Variants in AAMDC observed in about 807,000 individuals in gnomAD.
AAMDC encodes mth938 domain-containing protein.
In AAMDC, 16 loss-of-function variants were observed where a neutral mutation model predicts 15.5. The observed-to-expected ratio is 1.03, with a 90% CI of 0.70 to 1.57. The LOEUF (loss-of-function observed/expected upper bound fraction) is 1.57. AAMDC is among the 40% of genes most tolerant of loss of function. The pLI, the probability that AAMDC is intolerant of heterozygous loss-of-function variation, is 0.00. For missense variants in AAMDC, 141 were observed against 144.9 expected, an observed-to-expected ratio of 0.97 and a Z score of 0.14; for synonymous variants, 51 against 51.6, an observed-to-expected ratio of 0.99 and a Z score of 0.05.
At chr11:77,825,843 C>T (rs925096018) in intron 1 of AAMDC, among the ~76,000 whole-genome samples, 3 of 152,098 alleles carry the variant, frequency 2.0e-5, no homozygotes, top group Admixed American at 2.0e-4. Flanking sequence ...AGGCAAGTGC[C>T]ACTACATCCG....
chr11:77,893,797 G>A (rs2136403952), intron 5 of AAMDC, among the ~76,000 whole-genome samples: 1 of 152,150 alleles, frequency 6.6e-6, no homozygotes, highest in African/African-American at 2.4e-5. Context: ...GGAGGCTGAG[G>A]CAGAAGAATC....
At chr11:77,879,130 GA>G (rs777902160) in intron 5 of AAMDC, 26 of 1,610,590 alleles carry the variant, frequency 1.6e-5, no homozygotes, top group Non-Finnish European at 2.1e-5. Flanking sequence ...GCATGCCTCT[GA>G]AAAAAAGATA....
At position 77,881,098 on chromosome 11, in the gene AAMDC, C is replaced by T. The variant is rs1555016670; in HGVS notation, c.328+4049C>T. ...GGAGTAAAGCGGAGAAGAGAGAAAA[C>T]AAGAAGGAGGGGAACTTGGGAGAAG... On this transcript the variant is annotated intron_variant, in intron 5 of 5. Coordinates refer to the AAMDC transcript ENST00000304716. Among the ~76,000 whole-genome samples, 8 of 152,064 alleles carry T rather than the reference C, an allele frequency of 5.3e-5. 1 individual carries two copies. The highest frequency in any genetic ancestry group is 4.4e-5 in the Non-Finnish European group (3 of 68,012).
At position 77,899,584 on chromosome 11, in the gene AAMDC, C is replaced by T. The variant is rs529053003; in HGVS notation, c.329-987C>T. ...ACTTGGGAGGCTGAGGCAGGAGAAT[C>T]GCTTGAACCCAGGAGGCAGAGGTTG... On this transcript the variant is annotated intron_variant, in intron 5 of 5. Coordinates refer to the AAMDC transcript ENST00000304716. 1.2e-3 allele frequency among the ~76,000 whole-genome samples: 176 copies of T among 151,436 alleles called. 1 individual carries two copies. The highest frequency in any genetic ancestry group is 3.8e-3 in the African/African-American group (155 of 41,026).
intron 5 of AAMDC, among the ~76,000 whole-genome samples, chr11:77,884,206 G>A (rs940959834): frequency 6.6e-6 from 1 of 152,142 alleles, no homozygotes; most frequent in Non-Finnish European, 1.5e-5. Context: ...TAAGCGCAAA[G>A]ACAGGTAAGA....
intron 1 of AAMDC, among the ~76,000 whole-genome samples, chr11:77,833,230 T>C (rs1949536303): frequency 6.6e-6 from 1 of 151,706 alleles, no homozygotes; most frequent in Admixed American, 6.6e-5. Flanking sequence ...AGGCTGTTTA[T>C]TTTTATTATT....
intron 1 of AAMDC, among the ~76,000 whole-genome samples, chr11:77,823,725 C>T (rs1949045317): frequency 6.6e-6 from 1 of 151,138 alleles, no homozygotes; most frequent in African/African-American, 2.4e-5. Flanking sequence ...ACTTAACTGA[C>T]CTTAAATAAA....
downstream of AAMDC, chr11:77,903,462 G>A: frequency 6.2e-7 from 1 of 1,606,222 alleles, no homozygotes. Context: ...AGAGCTATAG[G>A]AAGGCCTCTG....
intron 5 of AAMDC, among the ~76,000 whole-genome samples, chr11:77,881,107 G>A (rs1951776214): frequency 6.6e-6 from 1 of 152,160 alleles, no homozygotes; most frequent in Admixed American, 6.5e-5. Context: ...ACAAGAAGGA[G>A]GGGAACTTGG....
intron 1 of AAMDC, among the ~76,000 whole-genome samples, chr11:77,827,510 T>C (rs139018986): frequency 6.6e-4 from 100 of 152,294 alleles, no homozygotes; most frequent in African/African-American, 2.4e-3. Flanking sequence ...TTGTAATATA[T>C]TTACAGAATA....
chr11:77,891,436 G>C, intron 5 of AAMDC: 1 of 1,613,760 alleles, frequency 6.2e-7, no homozygotes, highest in South Asian at 1.1e-5. Context: ...CCGCTGGCTC[G>C]ATGATGGTGG....
At chr11:77,904,043 C>A (rs1358520571), downstream of AAMDC, among the ~76,000 whole-genome samples, 4 of 152,180 alleles carry the variant, frequency 2.6e-5, no homozygotes, top group Non-Finnish European at 4.4e-5. Flanking sequence ...ATGTTGTAAG[C>A]CCCAACCACT....
At chr11:77,854,027 G>A (rs1238615568) in intron 2 of AAMDC, among the ~76,000 whole-genome samples, 24 of 136,310 alleles carry the variant, frequency 1.8e-4, no homozygotes, top group African/African-American at 5.6e-4. Context: ...CTCTCGCTCC[G>A]TTGCCCAGGC....
At chr11:77,880,914 A>G (rs1951766230) in intron 5 of AAMDC, among the ~76,000 whole-genome samples, 1 of 152,124 alleles carries the variant, frequency 6.6e-6, no homozygotes, top group Admixed American at 6.5e-5. Context: ...ACAGAAGGAA[A>G]CCCTGTCTCA....
intron 1 of AAMDC, among the ~76,000 whole-genome samples, chr11:77,828,502 C>A: frequency 6.6e-6 from 1 of 151,776 alleles, no homozygotes. Context: ...CCCATCTCTA[C>A]TAAAAATACA....
chr11:77,844,690 TG>T (rs1478264271), intron 2 of AAMDC, among the ~76,000 whole-genome samples: 1 of 152,166 alleles, frequency 6.6e-6, no homozygotes, highest in East Asian at 1.9e-4. Flanking sequence ...GTTTATTCAT[TG>T]GGTATTTGCT....
intron 1 of AAMDC, among the ~76,000 whole-genome samples, chr11:77,824,242 A>G (rs1590915827): frequency 6.6e-6 from 1 of 152,248 alleles, no homozygotes; most frequent in African/African-American, 2.4e-5. Flanking sequence ...ATGTAGTTAT[A>G]TAAGTGAGTT....
Position 77,891,405 on chromosome 11 carries a change from G to A in AAMDC, c.329-9166G>A, listed in dbSNP as rs781385631. 11 of 1,613,078 alleles carry A rather than the reference G, an allele frequency of 6.8e-6. No individual in the cohort carries two copies. Among genetic ancestry groups the A allele is most frequent in the East Asian group, 6.7e-5 (3 of 44,872 alleles). On this transcript the variant is annotated intron_variant, in intron 5 of 5. Coordinates refer to the AAMDC transcript ENST00000304716. Reference sequence around the variant, plus strand: ...GCAACCACCAACCCAGAGGTAAACCGCAAAGGGTTGTCTGACTCGCCCGCT... The same window carrying A: ...GCAACCACCAACCCAGAGGTAAACCACAAAGGGTTGTCTGACTCGCCCGCT...
At chr11:77,875,617 GCCTA>G (rs924856568), downstream of AAMDC, among the ~76,000 whole-genome samples, 2 of 152,040 alleles carry the variant, frequency 1.3e-5, no homozygotes, top group Non-Finnish European at 2.9e-5. Flanking sequence ...TACTTTTCCT[GCCTA>G]CCTTTCTTAA....
Sources: gnomAD v4.1 joint callset for allele counts (sites outside exome capture counted in the v4.1 genomes callset) on GRCh38, gnomAD v4.1.1 for gene constraint, MANE v1.5 for transcripts, NCBI Gene and HGNC (gene_info 2026-07-23, HGNC 2026-07-21) for gene names.